The following RYR3 variants were observed in gnomAD, a reference collection of about 807,000 sequenced individuals.
The protein encoded by RYR3 is ryanodine receptor 3, also known as brain ryanodine receptor-calcium release channel.
In RYR3, 207 loss-of-function variants were observed where a neutral mutation model predicts 584.3. That is an observed-to-expected ratio of 0.35 (90% CI 0.32 to 0.40). The LOEUF (loss-of-function observed/expected upper bound fraction) is 0.40, where lower values mean the gene tolerates loss of function less well. Ranked by LOEUF, RYR3 falls within the 10% of genes least tolerant of loss-of-function variation. The pLI is 1.00. For synonymous variants in RYR3, 2,416 were observed against 2,248.5 expected, an observed-to-expected ratio of 1.07 and a Z score of -2.11; for missense variants, 5,616 against 6,089.2, an observed-to-expected ratio of 0.92 and a Z score of 2.59.
chr15:33,416,310 C>T (rs1159015134), intron 1 of RYR3, among the ~76,000 whole-genome samples: 1 of 152,188 alleles, frequency 6.6e-6, no homozygotes, highest in African/African-American at 2.4e-5. Context: ...AGCTAATTTG[C>T]ATTGCTACCA....
intron 20 of RYR3, among the ~76,000 whole-genome samples, chr15:33,626,301 G>A (rs1303251206): frequency 6.6e-6 from 1 of 152,154 alleles, no homozygotes; most frequent in African/African-American, 2.4e-5. Flanking sequence ...GGAACTTGTT[G>A]GGAACTGTAG....
intron 60 of RYR3, 37 bp from the exon 61 acceptor site, chr15:33,768,621 T>G: frequency 6.2e-7 from 1 of 1,604,184 alleles, no homozygotes; most frequent in Non-Finnish European, 8.5e-7. Flanking sequence ...TCCTTTAATC[T>G]CTGTGACTTT....
chr15:33,385,191 A>G (rs2041499042), intron 1 of RYR3, among the ~76,000 whole-genome samples: 1 of 152,204 alleles, frequency 6.6e-6, no homozygotes, highest in Non-Finnish European at 1.5e-5. Context: ...CACGGAAATG[A>G]GATGCTGCGT....
At chr15:33,798,096 A>ATTTTTTTT (rs76914470) in intron 67 of RYR3, among the ~76,000 whole-genome samples, 34 of 151,164 alleles carry the variant, frequency 2.2e-4, no homozygotes, top group East Asian at 1.8e-3. Context: ...TTATTTATTT[A>ATTTTTTTT]TTTTTTTTGA....
At chr15:33,802,311 C>T (rs1003362123) in intron 69 of RYR3, among the ~76,000 whole-genome samples, 2 of 152,192 alleles carry the variant, frequency 1.3e-5, no homozygotes, top group Admixed American at 6.5e-5. Context: ...CCTAGAACCA[C>T]CTTTTGATAG....
At chr15:33,430,914 G>T (rs577732614) in intron 1 of RYR3, among the ~76,000 whole-genome samples, 1 of 152,176 alleles carries the variant, frequency 6.6e-6, no homozygotes, top group Non-Finnish European at 1.5e-5. Context: ...TCCAACTGCC[G>T]GCAGCCTCAG....
intron 66 of RYR3, among the ~76,000 whole-genome samples, chr15:33,786,852 G>T (rs1251135881): frequency 6.6e-6 from 1 of 152,152 alleles, no homozygotes; most frequent in African/African-American, 2.4e-5. Flanking sequence ...GTGTCCTTCT[G>T]CAGGACCAAG....
intron 1 of RYR3, among the ~76,000 whole-genome samples, chr15:33,324,001 A>G (rs1567025506): frequency 6.6e-6 from 1 of 152,154 alleles, no homozygotes; most frequent in Non-Finnish European, 1.5e-5. Flanking sequence ...GTTAACCTTT[A>G]TCTAGCCCAC....
At position 33,755,262 on chromosome 15, in the gene RYR3, G is replaced by A. The variant is rs542941639; in HGVS notation, c.8515+82G>A. On this transcript the variant is annotated intron_variant, in intron 58 of 103. Transcript: ENST00000634891. ...ATCCTTTCAGACTGTAACTTTTTATGATTCATTTAGGTGCATGATTTTAGG... is the reference window on the plus strand; with the variant it reads ...ATCCTTTCAGACTGTAACTTTTTATAATTCATTTAGGTGCATGATTTTAGG... 154 of 878,108 alleles carry A rather than the reference G, an allele frequency of 1.8e-4. No homozygotes were observed. In the Middle Eastern group the frequency reaches 2.4e-3, roughly 14 times the overall value. The allele number at this position is 878,108 out of a possible 1,614,324, so 54.4% of individuals were successfully genotyped here. A position where few individuals can be genotyped will look rare whatever the true frequency, so the allele number is the denominator to read the frequency against.
Position 33,865,612 on chromosome 15 carries a change from TCCAACTTG to T in RYR3, c.*387_*394del. 6.0e-6 allele frequency: 1 copy of T among 167,186 alleles called. No homozygotes were observed. The highest frequency in any genetic ancestry group is 1.3e-5 in the Non-Finnish European group (1 of 79,556). The allele number at this position is 167,186 out of a possible 1,614,324, so 10.4% of individuals were successfully genotyped here. ...TAAACACTTGAATGTCATCATGGTA[TCCAACTTG>T]TGACTCATAGGGTCTGAACTCACTC... On this transcript the variant is annotated 3_prime_UTR_variant, in exon 104 of 104. Coordinates refer to ENST00000634891, the MANE Select transcript of RYR3 (RefSeq NM_001036.6).
intron 69 of RYR3, among the ~76,000 whole-genome samples, chr15:33,806,040 G>A (rs892812104): frequency 4.0e-5 from 6 of 151,228 alleles, no homozygotes; most frequent in African/African-American, 4.9e-5. Context: ...TTCTCAGACC[G>A]ACTTACAGAA....
chr15:33,339,837 C>T (rs12437676), intron 1 of RYR3, among the ~76,000 whole-genome samples: 40,683 of 148,952 alleles, frequency 0.27, 6,333 homozygotes, highest in East Asian at 0.39. Flanking sequence ...TGCAGTGAGC[C>T]GAGATAGCAC....
chr15:33,543,560 A>G, intron 7 of RYR3, 62 bp from the exon 8 acceptor site: 1 of 1,076,238 alleles, frequency 9.3e-7, no homozygotes, highest in East Asian at 2.4e-5. Flanking sequence ...TACCCTTTTT[A>G]AATATGCCAT....
In RYR3 at chr15:33,311,730, C is replaced by G. The variant is rs1018403086; in HGVS notation, c.51+634C>G. On this transcript the variant is annotated intron_variant, in intron 1 of 103. Transcript: ENST00000634891. This position sits in a 1 kb window ranked among gnomAD's most constrained non-coding sequence, Gnocchi z 4.4. ...CTTGACTGACTGCCTGTCGTGTGTTCGAGAGCTGTGGCTTCTGCTCCTGGC... is the reference window on the plus strand; with the variant it reads ...CTTGACTGACTGCCTGTCGTGTGTTGGAGAGCTGTGGCTTCTGCTCCTGGC... Among the ~76,000 whole-genome samples the G allele has an allele frequency of 6.6e-6, 1 of 152,232 alleles. No homozygotes were observed. Among genetic ancestry groups the G allele is most frequent in the Non-Finnish European group, 1.5e-5 (1 of 68,040 alleles).
intron 51 of RYR3, among the ~76,000 whole-genome samples, chr15:33,741,045 G>C (rs948184152): frequency 1.3e-5 from 2 of 152,210 alleles, no homozygotes; most frequent in African/African-American, 2.4e-5. Context: ...AGCAAATGGC[G>C]TAGTAACTTG....
chr15:33,369,756 G>A (rs139389467), intron 1 of RYR3, among the ~76,000 whole-genome samples: 106 of 152,344 alleles, frequency 7.0e-4, no homozygotes, highest in African/African-American at 2.5e-3. Flanking sequence ...AGCATGGGCT[G>A]AAATATTTTC....
chr15:33,410,492 G>A (rs2043324737), intron 1 of RYR3, among the ~76,000 whole-genome samples: 1 of 152,180 alleles, frequency 6.6e-6, no homozygotes, highest in African/African-American at 2.4e-5. Context: ...TCAAACTCAG[G>A]ACCAGTCATC....
intron 36 of RYR3, among the ~76,000 whole-genome samples, chr15:33,668,884 C>T (rs2063646998): frequency 2.0e-5 from 3 of 152,038 alleles, no homozygotes; most frequent in Admixed American, 1.3e-4. Flanking sequence ...ATAATAGAAA[C>T]AAATATGTCA....
chr15:33,576,119 T>C (rs906356175), intron 12 of RYR3, among the ~76,000 whole-genome samples: 1 of 152,112 alleles, frequency 6.6e-6, no homozygotes, highest in Non-Finnish European at 1.5e-5. Flanking sequence ...CAGTAATAAA[T>C]AGCCTACCAA....
Sources: allele counts gnomAD v4.1 joint callset (sites outside exome capture counted in the v4.1 genomes callset), GRCh38; gene constraint gnomAD v4.1.1; non-coding constraint Gnocchi (gnomAD v3.1); transcripts MANE v1.5; gene names NCBI Gene and HGNC (gene_info 2026-07-23, HGNC 2026-07-21).